The following ADSL variants were observed in gnomAD, a reference collection of about 807,000 sequenced individuals.
ADSL encodes the protein adenylosuccinate lyase.
ADSL carries 44 observed loss-of-function variants against 62.1 expected under a neutral mutation model. The ratio of observed to expected loss-of-function variants is 0.71; its 90% confidence interval spans 0.56 to 0.91. ADSL has a LOEUF of 0.91. Among genes scored for constraint, ADSL ranks in the 40% least tolerant of loss-of-function variants. The pLI, the probability that ADSL is intolerant of heterozygous loss-of-function variation, is 0.00. For synonymous variants in ADSL, 198 were observed against 220.5 expected, an observed-to-expected ratio of 0.90 and a Z score of 0.90; for missense variants, 531 against 627.4, an observed-to-expected ratio of 0.85 and a Z score of 1.64.
In ADSL at chr22:40,353,292, C is replaced by T. The variant is rs751544393; in HGVS notation, c.402+175C>T. ...TAATTGTTTCTTCTTCTCCTTTCTT[C>T]TTCTCTTCCTCCTTCTCCTTTCTTC... is the stretch of plus-strand genomic sequence containing the variant. On this transcript the variant is annotated intron_variant, in intron 3 of 12. Coordinates refer to ENST00000623063, the MANE Select transcript of ADSL (RefSeq NM_000026.4). 1.7e-5 allele frequency: 12 copies of T among 708,306 alleles called. No homozygotes were observed. The South Asian group carries it at 1.8e-4, about 10-fold the overall frequency. The allele number at this position is 708,306 out of a possible 1,614,324, so 43.9% of individuals were successfully genotyped here.
chr22:40,378,541 C>G (rs1254651276), intron 2 of ADSL, among the ~76,000 whole-genome samples: 1 of 151,722 alleles, frequency 6.6e-6, no homozygotes, highest in Non-Finnish European at 1.5e-5. Context: ...CCAACCTGGC[C>G]TACATGGCGA....
At chr22:40,355,131 T>C (rs1352217136) in intron 4 of ADSL, among the ~76,000 whole-genome samples, 1 of 152,156 alleles carries the variant, frequency 6.6e-6, no homozygotes, top group African/African-American at 2.4e-5. Flanking sequence ...TTCTTTCTAC[T>C]TTTTGAGTTT....
intron 2 of ADSL, among the ~76,000 whole-genome samples, chr22:40,383,052 C>T (rs374805588): frequency 1.4e-4 from 22 of 152,152 alleles, no homozygotes; most frequent in Admixed American, 6.5e-5. Context: ...ATGAAACAGG[C>T]GATTACTACT....
intron 12 of ADSL, among the ~76,000 whole-genome samples, chr22:40,365,965 T>C (rs1219157429): frequency 6.6e-6 from 1 of 151,908 alleles, no homozygotes; most frequent in African/African-American, 2.4e-5. Context: ...TACCAAGCAG[T>C]ACGTGCAAGG....
At chr22:40,369,662 G>A (rs1173907103), downstream of ADSL, among the ~76,000 whole-genome samples, 1 of 151,792 alleles carries the variant, frequency 6.6e-6, no homozygotes, top group Admixed American at 6.6e-5. Flanking sequence ...ACAACCACAC[G>A]TGGTTCATTT....
chr22:40,351,739 G>A (rs888376539), intron 2 of ADSL, among the ~76,000 whole-genome samples: 3 of 151,882 alleles, frequency 2.0e-5, no homozygotes, highest in Non-Finnish European at 4.4e-5. Context: ...ACGGAGTCTC[G>A]CTCTGTCTCC....
At chr22:40,381,386 T>G (rs1407050503) in intron 2 of ADSL, among the ~76,000 whole-genome samples, 1 of 152,146 alleles carries the variant, frequency 6.6e-6, no homozygotes, top group Non-Finnish European at 1.5e-5. Flanking sequence ...TGGGCTCAAG[T>G]GATCCTTCTG....
rs1260899632 is a variant in ADSL, at chr22:40,375,571, ACT to A, written c.89+9076_89+9077del. Among the ~76,000 whole-genome samples the A allele has an allele frequency of 3.3e-5, 5 of 149,444 alleles. No homozygotes were observed. The South Asian group carries it at 6.4e-4, about 19-fold the overall frequency. ...CTCCAGCCTGGGTGACAAGAGTGAA[ACT>A]CTGTCTCAAAAAAAAAAAAAGAGAT... is the stretch of plus-strand genomic sequence containing the variant. On this transcript the variant is annotated intron_variant, in intron 2 of 2. Coordinates refer to the ADSL transcript ENST00000498234.
downstream of ADSL, among the ~76,000 whole-genome samples, chr22:40,371,126 T>G (rs2146697824): frequency 6.6e-6 from 1 of 152,240 alleles, no homozygotes; most frequent in East Asian, 1.9e-4. Flanking sequence ...AAGATTCAGA[T>G]CCAGGTGCAG....
At chr22:40,351,852 A>G (rs1179745285) in intron 2 of ADSL, 1 of 151,130 alleles carries the variant, frequency 6.6e-6, no homozygotes. Context: ...ACGGGGTTTC[A>G]CTGTGTTAAC....
At position 40,357,247 on chromosome 22, in the gene ADSL, CTTT is replaced by C. The variant is rs760770992; in HGVS notation, c.483-1596_483-1594del. 9.8e-3 allele frequency among the ~76,000 whole-genome samples: 1,009 copies of C among 102,644 alleles called. 5 individuals carry two copies. Among genetic ancestry groups the C allele is most frequent in the African/African-American group, 0.037 (959 of 25,960 alleles). 67.3% of individuals were successfully genotyped at this position (102,644 alleles called of 152,430 possible). On this transcript the variant is annotated intron_variant, in intron 4 of 12. Transcript: ENST00000623063. ...CAGACCTTCAGTGGCTTGATTTGGG[CTTT>C]TTTTTTTTTTTTTTTTTTTTGACAT...
chr22:40,381,165 T>G (rs1036562451), intron 2 of ADSL, among the ~76,000 whole-genome samples: 4 of 152,060 alleles, frequency 2.6e-5, no homozygotes, highest in African/African-American at 9.7e-5. Flanking sequence ...TTCTTTTTTT[T>G]GAGACAGGGC....
intron 2 of ADSL, among the ~76,000 whole-genome samples, chr22:40,378,733 A>C (rs934950309): frequency 7.2e-5 from 11 of 152,098 alleles, no homozygotes; most frequent in Admixed American, 4.6e-4. Flanking sequence ...TCAAAAAAAA[A>C]CAGAACAAAA....
chr22:40,364,837 G>A (rs774814580), intron 11 of ADSL, 43 bp from the exon 12 acceptor site: 37 of 1,602,964 alleles, frequency 2.3e-5, no homozygotes, highest in Non-Finnish European at 2.8e-5. Context: ...GTGTTCAAAC[G>A]CCCTGTTAGT....
intron 2 of ADSL, among the ~76,000 whole-genome samples, chr22:40,384,470 T>G: frequency 6.6e-6 from 1 of 151,256 alleles, no homozygotes; most frequent in East Asian, 1.9e-4. Flanking sequence ...AAACAAAAAT[T>G]AAAAAAAAAT....
At chr22:40,350,100 A>T in intron 2 of ADSL, 65 bp downstream of exon 2, 6 of 1,422,556 alleles carry the variant, frequency 4.2e-6, no homozygotes, top group Non-Finnish European at 5.9e-6. Flanking sequence ...ATTTTATTTG[A>T]TGTTGTCCAG....
At position 40,367,755 on chromosome 22, in the gene ADSL, G is replaced by C. The variant is rs887942790; in HGVS notation, c.*1233G>C. The C allele has an allele frequency of 1.3e-5, 2 of 158,080 alleles. No homozygotes were observed. The highest frequency in any genetic ancestry group is 4.8e-5 in the African/African-American group (2 of 41,454). The allele number at this position is 158,080 out of a possible 1,614,324, so 9.8% of individuals were successfully genotyped here. A position where few individuals can be genotyped will look rare whatever the true frequency, so the allele number is the denominator to read the frequency against. The stretch of plus-strand genomic sequence containing the variant: ...GCTTTTGTTTATCAGATTTGCAGAT[G>C]ACACAAAACTGGGAGAATTAACAAG... On this transcript the variant is annotated 3_prime_UTR_variant, in exon 13 of 13. Transcript: ENST00000623063.
At chr22:40,370,493 C>T (rs1337610960), downstream of ADSL, 2 of 152,404 alleles carry the variant, frequency 1.3e-5, no homozygotes, top group African/African-American at 4.8e-5. Flanking sequence ...GCATGCTGGC[C>T]TTGGGATGGG....
chr22:40,387,056 A>G (rs2048581893), intron 2 of ADSL, among the ~76,000 whole-genome samples: 1 of 152,172 alleles, frequency 6.6e-6, no homozygotes, highest in Non-Finnish European at 1.5e-5. Context: ...TTTTCTGGAA[A>G]CTGTCTGCAA....
Sources: allele counts gnomAD v4.1 joint callset (sites outside exome capture counted in the v4.1 genomes callset), GRCh38; gene constraint gnomAD v4.1.1; transcripts MANE v1.5; gene names NCBI Gene and HGNC (gene_info 2026-07-23, HGNC 2026-07-21).